The following DENND1A variants were observed in gnomAD, a reference collection of about 807,000 sequenced individuals.
The protein encoded by DENND1A is DENN domain-containing protein 1A.
Under a neutral mutation model 113.7 loss-of-function variants are expected in DENND1A, and 51 were observed. The ratio of observed to expected loss-of-function variants is 0.45; its 90% confidence interval spans 0.36 to 0.57. The LOEUF is 0.57. Ranked by LOEUF, DENND1A falls within the 20% of genes least tolerant of loss-of-function variation. DENND1A has a pLI of 0.00. For synonymous variants in DENND1A, 565 were observed against 570.8 expected, an observed-to-expected ratio of 0.99 and a Z score of 0.14; for missense variants, 1,258 against 1,395.9, an observed-to-expected ratio of 0.90 and a Z score of 1.57.
Position 123,779,784 on chromosome 9 carries a change from A to C in DENND1A, c.133-10221T>G, listed in dbSNP as rs377726803. ...TGGCACATTCAAGGAACTGAAAAGCAGCCTGGTATTCTGGAACAGAGGAGA... is the reference window on the plus strand; with the variant it reads ...TGGCACATTCAAGGAACTGAAAAGCCGCCTGGTATTCTGGAACAGAGGAGA... On this transcript the variant is annotated intron_variant, in intron 3 of 23. Transcript: ENST00000394215. 5.3e-5 allele frequency among the ~76,000 whole-genome samples: 8 copies of C among 152,290 alleles called. No homozygotes were observed. The South Asian group carries it at 1.0e-3, about 20-fold the overall frequency.
chr9:123,561,740 G>T (rs2057771018), intron 12 of DENND1A, among the ~76,000 whole-genome samples: 1 of 152,028 alleles, frequency 6.6e-6, no homozygotes, highest in Non-Finnish European at 1.5e-5. Context: ...GAAAGAGGGG[G>T]CAAAACTGAA....
chr9:123,837,100 G>A (rs905563835), intron 2 of DENND1A, among the ~76,000 whole-genome samples: 6 of 152,268 alleles, frequency 3.9e-5, no homozygotes, highest in African/African-American at 1.4e-4. Context: ...AAAAGGTCAA[G>A]TGCCTTGTCC....
chr9:123,512,881 C>T (rs898969447), intron 13 of DENND1A, among the ~76,000 whole-genome samples: 10 of 152,192 alleles, frequency 6.6e-5, no homozygotes, highest in Admixed American at 2.0e-4. Context: ...CCCTTAAGGG[C>T]TGCTGTGAGG....
rs60761810 is a variant in DENND1A at position 123,728,479 on chromosome 9, C to CAAAAAAAAAAAAAAAA, written c.302+29208_302+29223dup. The stretch of plus-strand genomic sequence containing the variant: ...GCAACAATTGCAAAACTCTGTCTCC[C>CAAAAAAAAAAAAAAAA]AAAAAAAAAAAAAAAAAAAAAAAAA... On this transcript the variant is annotated intron_variant, in intron 5 of 23. Transcript: ENST00000394215. Among the ~76,000 whole-genome samples, 135 of 25,192 alleles carry CAAAAAAAAAAAAAAAA rather than the reference C, an allele frequency of 5.4e-3. 35 individuals are homozygous for CAAAAAAAAAAAAAAAA. The highest frequency in any genetic ancestry group is 7.3e-3 in the Non-Finnish European group (104 of 14,182). 16.5% of individuals were successfully genotyped at this position (25,192 alleles called of 152,430 possible). A position where few individuals can be genotyped will look rare whatever the true frequency, so the allele number is the denominator to read the frequency against.
chr9:123,893,029 AAAGAAT>A (rs1288010751), intron 1 of DENND1A, among the ~76,000 whole-genome samples: 4 of 152,100 alleles, frequency 2.6e-5, no homozygotes, highest in African/African-American at 9.7e-5. Flanking sequence ...AAAAAAGAAT[AAAGAAT>A]AAGAATAAAG....
At chr9:123,699,218 A>G (rs1275211220) in intron 5 of DENND1A, among the ~76,000 whole-genome samples, 2 of 152,220 alleles carry the variant, frequency 1.3e-5, no homozygotes, top group Non-Finnish European at 2.9e-5. Flanking sequence ...TAATTCCAAC[A>G]GTTGAGAATC....
At chr9:123,678,770 T>C (rs1183316517) in intron 5 of DENND1A, among the ~76,000 whole-genome samples, 1 of 152,252 alleles carries the variant, frequency 6.6e-6, no homozygotes, top group African/African-American at 2.4e-5. Context: ...CTTATGTTAA[T>C]ATGTTTCAAT....
At chr9:123,749,175 A>G (rs932292249) in intron 5 of DENND1A, among the ~76,000 whole-genome samples, 2 of 152,166 alleles carry the variant, frequency 1.3e-5, no homozygotes, top group African/African-American at 2.4e-5. Context: ...CCAGCCAAAG[A>G]GCTTGGAACA....
At chr9:123,908,534 G>A (rs1355536695) in intron 1 of DENND1A, among the ~76,000 whole-genome samples, 53 of 143,872 alleles carry the variant, frequency 3.7e-4, no homozygotes, top group East Asian at 2.8e-3. Flanking sequence ...AAAAGTGGGC[G>A]AAGGACATGA....
intron 5 of DENND1A, among the ~76,000 whole-genome samples, chr9:123,704,893 CAAG>C (rs1020726630): frequency 2.6e-5 from 4 of 151,610 alleles, no homozygotes; most frequent in Non-Finnish European, 5.9e-5. Flanking sequence ...TCTAAATAGA[CAAG>C]AAGAAGAAAT....
intron 20 of DENND1A, among the ~76,000 whole-genome samples, chr9:123,408,188 T>C (rs889233455): frequency 9.9e-5 from 15 of 152,198 alleles, no homozygotes; most frequent in African/African-American, 3.4e-4. Context: ...CACTGGAGGC[T>C]GATGGCTCCT....
At chr9:123,619,415 C>CTGAT (rs1046418057) in intron 10 of DENND1A, among the ~76,000 whole-genome samples, 22 of 138,500 alleles carry the variant, frequency 1.6e-4, no homozygotes, top group African/African-American at 3.6e-4. Context: ...CATTGATTGA[C>CTGAT]TGATTGATTG....
chr9:123,427,069 T>C (rs2045790466), intron 19 of DENND1A, among the ~76,000 whole-genome samples: 1 of 152,232 alleles, frequency 6.6e-6, no homozygotes, highest in Non-Finnish European at 1.5e-5. Flanking sequence ...GATGGGCACC[T>C]CATGAGAATG....
intron 3 of DENND1A, among the ~76,000 whole-genome samples, chr9:123,784,933 A>T (rs931620630): frequency 2.0e-5 from 3 of 152,186 alleles, no homozygotes; most frequent in Non-Finnish European, 4.4e-5. Context: ...CTAAATGTTT[A>T]AGGTTGAAAT....
At chr9:123,782,684 C>G (rs1028159109) in intron 3 of DENND1A, among the ~76,000 whole-genome samples, 5 of 152,148 alleles carry the variant, frequency 3.3e-5, no homozygotes, top group Non-Finnish European at 7.4e-5. Context: ...GGCATTTGAA[C>G]TAACTTTTGA....
Position 123,495,141 on chromosome 9 carries a change from T to TTC in DENND1A, c.994-37246_994-37245dup, listed in dbSNP as rs56390148. On this transcript the variant is annotated intron_variant, in intron 13 of 23. Coordinates refer to ENST00000394215, the MANE Select transcript of DENND1A (RefSeq NM_001352964.2). ...TCTATTATGACCCATCATTGTCTCT[T>TTC]TCTCTCTCTCTCTCTCTCTCTCTCT... is the stretch of plus-strand genomic sequence containing the variant. Among the ~76,000 whole-genome samples the TTC allele has an allele frequency of 1.9e-3, 262 of 140,642 alleles. 1 individual carries two copies. The highest frequency in any genetic ancestry group is 6.7e-3 in the African/African-American group (239 of 35,496). The allele number at this position is 140,642 out of a possible 152,430, so 92.3% of individuals were successfully genotyped here.
chr9:123,710,190 G>A (rs987863194), intron 5 of DENND1A, among the ~76,000 whole-genome samples: 1 of 152,078 alleles, frequency 6.6e-6, no homozygotes, highest in African/African-American at 2.4e-5. Flanking sequence ...ACATACAAAT[G>A]TTTTTCACTA....
chr9:123,883,225 T>C (rs1178548408), intron 1 of DENND1A, among the ~76,000 whole-genome samples: 4 of 152,312 alleles, frequency 2.6e-5, no homozygotes, highest in South Asian at 4.1e-4. Context: ...TTACAGTCAG[T>C]CTCCTTTCTC....
chr9:123,501,396 T>C (rs368496459), intron 13 of DENND1A, among the ~76,000 whole-genome samples: 7 of 152,354 alleles, frequency 4.6e-5, no homozygotes, highest in Admixed American at 1.3e-4. Flanking sequence ...AGTGCTGCTC[T>C]GAACATGGGT....
Sources: allele counts gnomAD v4.1 joint callset (sites outside exome capture counted in the v4.1 genomes callset), GRCh38; gene constraint gnomAD v4.1.1; transcripts MANE v1.5; gene names NCBI Gene and HGNC (gene_info 2026-07-23, HGNC 2026-07-21).